ANKS1B: variants seen among roughly 807,000 people sequenced by gnomAD.
ANKS1B encodes ankyrin repeat and sterile alpha motif domain-containing protein 1B.
In ANKS1B, 36 loss-of-function variants were observed where a neutral mutation model predicts 148.3. The ratio of observed to expected loss-of-function variants is 0.24; its 90% CI spans 0.19 to 0.32. The LOEUF (loss-of-function observed/expected upper bound fraction) is 0.32. Among genes scored for constraint, ANKS1B ranks in the 10% least tolerant of loss-of-function variants. The pLI, the probability that ANKS1B is intolerant of heterozygous loss-of-function variation, is 1.00. For missense variants in ANKS1B, 1,157 were observed against 1,542.6 expected, an observed-to-expected ratio of 0.75 and a Z score of 4.19; for synonymous variants, 542 against 560.8, an observed-to-expected ratio of 0.97 and a Z score of 0.47.
intron 9 of ANKS1B, among the ~76,000 whole-genome samples, chr12:99,601,090 T>C (rs2097796066): frequency 6.6e-6 from 1 of 152,094 alleles, no homozygotes; most frequent in Non-Finnish European, 1.5e-5. Context: ...CTGTCTTGCA[T>C]ATATTTGCTT....
intron 8 of ANKS1B, among the ~76,000 whole-genome samples, chr12:99,754,361 T>C (rs2061379774): frequency 6.6e-6 from 1 of 152,126 alleles, no homozygotes; most frequent in Admixed American, 6.6e-5. Flanking sequence ...TTAAATCAAG[T>C]TCTTAGAGAC....
At chr12:99,638,666 A>C (rs2098268780) in intron 9 of ANKS1B, among the ~76,000 whole-genome samples, 1 of 152,228 alleles carries the variant, frequency 6.6e-6, no homozygotes, top group Non-Finnish European at 1.5e-5. Context: ...AAGTGACTGC[A>C]GAAATTCACA....
chr12:99,508,093 C>T (rs536813322), intron 9 of ANKS1B, among the ~76,000 whole-genome samples: 21 of 151,756 alleles, frequency 1.4e-4, no homozygotes, highest in Non-Finnish European at 2.7e-4. Context: ...ATCAAATGCT[C>T]TAGTTCTTCT....
At position 99,425,972 on chromosome 12, in the gene ANKS1B, ATGTT is replaced by A. The variant is rs202220689; in HGVS notation, c.1575+17697_1575+17700del. 9.2e-3 allele frequency among the ~76,000 whole-genome samples: 1,395 copies of A among 152,196 alleles called. 51 individuals are homozygous for A. The highest frequency in any genetic ancestry group is 0.058 in the Admixed American group (890 of 15,292). On this transcript the variant is annotated intron_variant, in intron 11 of 26. Coordinates refer to ENST00000683438, the MANE Select transcript of ANKS1B (RefSeq NM_001352186.2). ...CTTTCACAACTTTTGTGTTAAGTAA[ATGTT>A]TGTATCTGTAAGATTATGTTCGAAA...
chr12:99,765,726 T>C (rs1008960671), intron 8 of ANKS1B, among the ~76,000 whole-genome samples: 17 of 152,184 alleles, frequency 1.1e-4, no homozygotes, highest in African/African-American at 3.6e-4. Flanking sequence ...CCCCTCTACG[T>C]TGACATTTTG....
At chr12:99,735,237 C>A (rs550381616) in intron 8 of ANKS1B, among the ~76,000 whole-genome samples, 2 of 151,840 alleles carry the variant, frequency 1.3e-5, no homozygotes, top group East Asian at 3.9e-4. Flanking sequence ...AGCCAAATCC[C>A]AAAGTTAGCA....
chr12:99,723,753 C>T (rs1473748231), intron 8 of ANKS1B, among the ~76,000 whole-genome samples: 4 of 152,110 alleles, frequency 2.6e-5, no homozygotes, highest in African/African-American at 7.2e-5. Flanking sequence ...GGCATCAGAT[C>T]GGTGCTCCTC....
intron 17 of ANKS1B, among the ~76,000 whole-genome samples, chr12:98,979,473 A>G (rs901733962): frequency 1.3e-5 from 2 of 151,488 alleles, no homozygotes; most frequent in African/African-American, 4.9e-5. Context: ...GGGTTTCACC[A>G]TGTTAGCCAG....
chr12:99,741,560 C>T (rs555447667), intron 8 of ANKS1B, among the ~76,000 whole-genome samples: 2 of 152,120 alleles, frequency 1.3e-5, no homozygotes, highest in South Asian at 4.2e-4. Flanking sequence ...GAATACTATG[C>T]GGCCATAAAA....
At chr12:99,088,851 T>TTTTG (rs1555230542) in intron 15 of ANKS1B, among the ~76,000 whole-genome samples, 2 of 139,882 alleles carry the variant, frequency 1.4e-5, no homozygotes, top group Non-Finnish European at 3.1e-5. Flanking sequence ...TTTTTTTTTT[T>TTTTG]TTTTTTTTTT....
intron 1 of ANKS1B, among the ~76,000 whole-genome samples, chr12:99,854,061 T>C (rs532327878): frequency 6.6e-6 from 1 of 152,162 alleles, no homozygotes; most frequent in Non-Finnish European, 1.5e-5. Flanking sequence ...CCCAGGATGG[T>C]GTGCAGTGGT....
Position 99,770,690 on chromosome 12 carries a change from CA to C in ANKS1B, c.1128+2231del, listed in dbSNP as rs1275587391. On this transcript the variant is annotated intron_variant, in intron 8 of 26. Transcript: ENST00000683438. The stretch of plus-strand genomic sequence containing the variant: ...TTTTCTCATTTCTTAAAAAAAAAAC[CA>C]AAATTCTTAGCCTGACATTCATAAT... 5.3e-5 allele frequency among the ~76,000 whole-genome samples: 8 copies of C among 151,884 alleles called. No individual in the cohort carries two copies. In the East Asian group the frequency reaches 1.4e-3, roughly 26 times the overall value.
intron 17 of ANKS1B, among the ~76,000 whole-genome samples, chr12:99,047,250 A>C (rs1368491869): frequency 6.6e-6 from 1 of 152,130 alleles, no homozygotes; most frequent in Non-Finnish European, 1.5e-5. Context: ...AAATACAAAA[A>C]TTAGCCAGAT....
chr12:99,784,041 A>C (rs1053167184), intron 4 of ANKS1B, among the ~76,000 whole-genome samples: 1 of 152,158 alleles, frequency 6.6e-6, no homozygotes, highest in Admixed American at 6.5e-5. Context: ...TAAAAGCCAA[A>C]AAAAATTTAA....
chr12:99,359,744 C>T (rs374237494), intron 12 of ANKS1B, among the ~76,000 whole-genome samples: 5 of 152,044 alleles, frequency 3.3e-5, no homozygotes, highest in African/African-American at 4.8e-5. Flanking sequence ...CTTCAAGTAT[C>T]GATCAACATT....
intron 12 of ANKS1B, among the ~76,000 whole-genome samples, chr12:99,273,053 G>T (rs183292982): frequency 6.6e-5 from 10 of 152,304 alleles, no homozygotes; most frequent in Admixed American, 5.9e-4. Flanking sequence ...GAAAATGGAA[G>T]TTGAGCAAGT....
chr12:99,764,519 T>C (rs970994448), intron 8 of ANKS1B, among the ~76,000 whole-genome samples: 10 of 152,110 alleles, frequency 6.6e-5, no homozygotes, highest in African/African-American at 2.2e-4. Flanking sequence ...ACCTCCCGGG[T>C]TCAAGTGATT....
At chr12:99,325,591 C>A (rs1313266846) in intron 12 of ANKS1B, among the ~76,000 whole-genome samples, 1 of 152,110 alleles carries the variant, frequency 6.6e-6, no homozygotes, top group Non-Finnish European at 1.5e-5. Flanking sequence ...TTACACAATT[C>A]TGACTGAAAA....
At chr12:99,832,552 A>G (rs146583175) in intron 1 of ANKS1B, among the ~76,000 whole-genome samples, 1 of 151,930 alleles carries the variant, frequency 6.6e-6, no homozygotes, top group Non-Finnish European at 1.5e-5. Context: ...GGCAAAAAAA[A>G]CACTTTACTC....
Sources: gnomAD v4.1 joint callset for allele counts (sites outside exome capture counted in the v4.1 genomes callset) on GRCh38, gnomAD v4.1.1 for gene constraint, MANE v1.5 for transcripts, NCBI Gene and HGNC (gene_info 2026-07-23, HGNC 2026-07-21) for gene names.